Variants in FBXL20 observed in about 807,000 individuals in gnomAD.
FBXL20 encodes F-box and leucine rich repeat protein 20, also known as F-box/LRR-repeat protein 20.
A neutral mutation model predicts 64.0 loss-of-function variants in FBXL20; 11 were observed. The observed-to-expected ratio is 0.17, with a 90% CI of 0.11 to 0.28. The LOEUF is 0.28. FBXL20 is among the 10% of genes least tolerant of loss of function. The pLI is 1.00. For missense variants in FBXL20, 303 were observed against 526.2 expected, an observed-to-expected ratio of 0.58 and a Z score of 4.15; for synonymous variants, 184 against 189.0, an observed-to-expected ratio of 0.97 and a Z score of 0.22.
chr17:39,327,347 G>C (rs1054931956), intron 2 of FBXL20, among the ~76,000 whole-genome samples: 1 of 152,062 alleles, frequency 6.6e-6, no homozygotes, highest in African/African-American at 2.4e-5. Flanking sequence ...TCTTCACAGT[G>C]ATATGGGTAA....
At chr17:39,399,903 ACT>A (rs1297495600) in intron 1 of FBXL20, among the ~76,000 whole-genome samples, 1 of 152,188 alleles carries the variant, frequency 6.6e-6, no homozygotes, top group Non-Finnish European at 1.5e-5. Context: ...CAGGCAAAAG[ACT>A]GTCCCCGACT....
Position 39,275,047 on chromosome 17 carries a change from T to G in FBXL20, c.750A>C (p.Gln250His). The change falls in exon 10 of 15, where the codon CAA becomes CAC. Residue 250 changes from glutamine (Q) to histidine (H), a missense_variant. Gln to His is a conservative substitution (Grantham distance 24). Around this residue, in one of 3 missense-constraint regions of FBXL20, gnomAD observed 246 missense variants for 422.6 expected, o/e 0.58. Coordinates refer to ENST00000264658, the MANE Select transcript of FBXL20 (RefSeq NM_032875.3). ...ITICRGCHKL[Q>H]SLCASGCSNI... ...TGGAGCAGCCAGAGGCACAAAGGGA[T>G]TGTAACTTATGGCACCCTCTGCATA... The G allele has an allele frequency of 6.2e-7, 1 of 1,614,078 alleles. No homozygotes were observed. Among genetic ancestry groups the G allele is most frequent in the South Asian group, 1.1e-5 (1 of 91,066 alleles).
intron 1 of FBXL20, among the ~76,000 whole-genome samples, chr17:39,349,813 G>A (rs754673860): frequency 2.6e-5 from 4 of 151,930 alleles, no homozygotes; most frequent in Non-Finnish European, 5.9e-5. Flanking sequence ...GCTAGCGCTT[G>A]TAGTCCCAGC....
chr17:39,395,930 G>C (rs1371799046), intron 1 of FBXL20, among the ~76,000 whole-genome samples: 1 of 151,764 alleles, frequency 6.6e-6, no homozygotes, highest in Non-Finnish European at 1.5e-5. Context: ...CCATGAAAGA[G>C]ACTGCAACTC....
chr17:39,267,500 T>C (rs1475166148), intron 12 of FBXL20, among the ~76,000 whole-genome samples: 2 of 152,184 alleles, frequency 1.3e-5, no homozygotes, highest in Non-Finnish European at 2.9e-5. Flanking sequence ...AGTGCAGTGC[T>C]CTATGAAAAA....
intron 2 of FBXL20, among the ~76,000 whole-genome samples, chr17:39,326,450 T>C (rs1205376883): frequency 6.6e-6 from 1 of 151,696 alleles, no homozygotes; most frequent in Non-Finnish European, 1.5e-5. Context: ...TGAAAACCCA[T>C]CTCTACAAAA....
intron 2 of FBXL20, among the ~76,000 whole-genome samples, chr17:39,332,603 G>A (rs1415891686): frequency 7.1e-6 from 1 of 140,244 alleles, no homozygotes; most frequent in East Asian, 2.1e-4. Context: ...GTGCAGTGAC[G>A]TGATCTCGGC....
At chr17:39,402,282 T>G, upstream of FBXL20, 6 of 1,156,500 alleles carry the variant, frequency 5.2e-6, no homozygotes, top group Non-Finnish European at 6.5e-6. Context: ...GCCTCCGCGG[T>G]TGCCGCCGCC....
chr17:39,396,583 C>T (rs930293594), intron 1 of FBXL20, among the ~76,000 whole-genome samples: 3 of 131,940 alleles, frequency 2.3e-5, no homozygotes, highest in Non-Finnish European at 3.2e-5. Flanking sequence ...GCGACAAAAG[C>T]GAAACTCCGT....
intron 8 of FBXL20, 56 bp from the exon 9 acceptor site, chr17:39,281,519 G>C (rs2046950561): frequency 6.9e-6 from 10 of 1,457,282 alleles, no homozygotes; most frequent in Non-Finnish European, 9.5e-6. Flanking sequence ...TCAAAGGAAA[G>C]AGATTTAAGA....
chr17:39,311,001 A>AC (rs963009898), intron 2 of FBXL20, among the ~76,000 whole-genome samples: 20 of 151,800 alleles, frequency 1.3e-4, no homozygotes, highest in South Asian at 4.2e-4. Context: ...TTAAAAAAAA[A>AC]ACACACAAAA....
chr17:39,343,042 T>C (rs919924924), intron 2 of FBXL20, 138 bp downstream of exon 2: 25 of 526,774 alleles, frequency 4.7e-5, no homozygotes, highest in Admixed American at 7.8e-5. Context: ...CAGAGTAAGA[T>C]TGTTCAAAGC....
At chr17:39,316,070 C>G (rs1252486333) in intron 2 of FBXL20, among the ~76,000 whole-genome samples, 1 of 151,962 alleles carries the variant, frequency 6.6e-6, no homozygotes, top group Non-Finnish European at 1.5e-5. Context: ...GTTAACAGAG[C>G]AAGATCCTAT....
At chr17:39,264,050 T>C in intron 14 of FBXL20, 125 bp downstream of exon 14, 1 of 1,081,768 alleles carries the variant, frequency 9.2e-7, no homozygotes. Flanking sequence ...CTTTTTTCTC[T>C]TTCCCTTGTT....
chr17:39,396,134 A>C (rs1163106144), intron 1 of FBXL20, among the ~76,000 whole-genome samples: 1 of 151,870 alleles, frequency 6.6e-6, no homozygotes, highest in Non-Finnish European at 1.5e-5. Flanking sequence ...GAGCCTACAA[A>C]CTTAAATATT....
chr17:39,353,870 C>T (rs1044910334), intron 1 of FBXL20, among the ~76,000 whole-genome samples: 10 of 152,154 alleles, frequency 6.6e-5, no homozygotes, highest in African/African-American at 1.9e-4. Flanking sequence ...ATGATCCGCC[C>T]GCCTTGGCCT....
At chr17:39,332,381 T>C (rs1449089034) in intron 2 of FBXL20, among the ~76,000 whole-genome samples, 1 of 152,156 alleles carries the variant, frequency 6.6e-6, no homozygotes, top group African/African-American at 2.4e-5. Flanking sequence ...ACTTCTCTAA[T>C]GGACAATATT....
At chr17:39,372,594 A>G (rs1341889738) in intron 1 of FBXL20, among the ~76,000 whole-genome samples, 1 of 150,002 alleles carries the variant, frequency 6.7e-6, no homozygotes, top group Non-Finnish European at 1.5e-5. Flanking sequence ...TGACTGTTTA[A>G]GGGCTAAATG....
intron 1 of FBXL20, among the ~76,000 whole-genome samples, chr17:39,367,196 A>C (rs111823951): frequency 1.2e-3 from 184 of 151,978 alleles, no homozygotes; most frequent in Non-Finnish European, 2.2e-3. Flanking sequence ...CAGTCCTTTC[A>C]ATCTAGAAGT....
Sources: gnomAD v4.1 joint callset for allele counts (sites outside exome capture counted in the v4.1 genomes callset) on GRCh38, gnomAD v4.1.1 for gene constraint, gnomAD v4.1.1 regional missense constraint, MANE v1.5 for transcripts, NCBI Gene and HGNC (gene_info 2026-07-23, HGNC 2026-07-21) for gene names.